ME1: variants seen among roughly 807,000 people sequenced by gnomAD.
ME1 encodes NADP-dependent malic enzyme.
In ME1, 74 loss-of-function variants were observed where a neutral mutation model predicts 66.4. That is an observed-to-expected ratio of 1.11 (90% CI 0.92 to 1.35). The LOEUF (loss-of-function observed/expected upper bound fraction) is 1.35. Ranked by LOEUF, ME1 falls within the 40% of genes most tolerant of loss-of-function variation. The pLI is 0.00. For synonymous variants in ME1, 251 were observed against 235.6 expected (o/e 1.07, Z -0.60); for missense variants, 750 against 694.1 (o/e 1.08, Z -0.90).
chr6:83,360,952 C>G (rs534649897), intron 3 of ME1, among the ~76,000 whole-genome samples: 1 of 152,220 alleles, frequency 6.6e-6, no homozygotes, highest in Non-Finnish European at 1.5e-5. Context: ...ATAAGGCCCA[C>G]CAGAAGAAAT....
At chr6:83,390,306 G>C (rs978445934) in intron 3 of ME1, among the ~76,000 whole-genome samples, 1 of 152,204 alleles carries the variant, frequency 6.6e-6, no homozygotes, top group South Asian at 2.1e-4. Context: ...ACCATACACA[G>C]TAAGTATTAA....
At position 83,237,781 on chromosome 6, in the gene ME1, CCTT is replaced by C. The variant is rs754298375; in HGVS notation, c.959_961del (p.Glu320del). 49 of 1,608,292 alleles carry C rather than the reference CCTT, an allele frequency of 3.0e-5. 2 individuals carry two copies. In the South Asian group the frequency reaches 5.1e-4, roughly 17 times the overall value. ...TTTGATGGCTTTCTCTTTTGGTAAA[CCTT>C]CTTTTTCCAAGGCCATCACAATCAG... On this transcript the variant is annotated inframe_deletion, in exon 9 of 14. Coordinates refer to ENST00000369705, the MANE Select transcript of ME1 (RefSeq NM_002395.6).
At chr6:83,357,929 CTCTCTCTATATA>C (rs1464411588) in intron 3 of ME1, among the ~76,000 whole-genome samples, 22 of 56,320 alleles carry the variant, frequency 3.9e-4, no homozygotes, top group Non-Finnish European at 5.3e-4. Context: ...CTCTCTCTCT[CTCTCTCTATATA>C]TATATATATA....
rs774921289 is a variant in ME1, at chr6:83,346,227, C to G, written c.546G>C (p.Gly182=). 5 of 1,612,176 alleles carry G rather than the reference C, an allele frequency of 3.1e-6. No individual in the cohort carries two copies. The East Asian group carries it at 8.9e-5, about 29-fold the overall frequency. ...CAGGCAGACATTCTTGAGGATTCATCCCTCCGCAAGCTGTATATAGAGCCA... is the reference window on the plus strand; with the variant it reads ...CAGGCAGACATTCTTGAGGATTCATGCCTCCGCAAGCTGTATATAGAGCCA... The part of the protein sequence containing the change: ...GKLALYTACG[G]MNPQECLPVI... Residue 182 remains glycine, a synonymous_variant, in exon 5 of 14, where the codon GGG becomes GGC. Transcript: ENST00000369705.
intron 6 of ME1, among the ~76,000 whole-genome samples, chr6:83,265,090 A>C (rs1766966457): frequency 6.6e-6 from 1 of 152,146 alleles, no homozygotes; most frequent in Non-Finnish European, 1.5e-5. Context: ...TTCAGTAACC[A>C]CCATTGTAAT....
At chr6:83,350,891 A>G (rs1317409052) in intron 4 of ME1, among the ~76,000 whole-genome samples, 2 of 139,414 alleles carry the variant, frequency 1.4e-5, no homozygotes, top group African/African-American at 5.2e-5. Flanking sequence ...TTCTTAGGGT[A>G]GTTTCTAAGA....
chr6:83,381,422 G>A (rs1194317296), intron 3 of ME1, among the ~76,000 whole-genome samples: 1 of 150,278 alleles, frequency 6.7e-6, no homozygotes, highest in Non-Finnish European at 1.5e-5. Context: ...TTGAGACGGA[G>A]TCTCGCTCTG....
At chr6:83,212,807 C>G (rs748694496) in intron 13 of ME1, among the ~76,000 whole-genome samples, 1 of 152,224 alleles carries the variant, frequency 6.6e-6, no homozygotes, top group African/African-American at 2.4e-5. Context: ...AACCTTCCCC[C>G]ATCTTCAAGC....
intron 7 of ME1, among the ~76,000 whole-genome samples, chr6:83,242,718 A>G (rs1277216035): frequency 2.0e-5 from 3 of 152,192 alleles, no homozygotes; most frequent in Non-Finnish European, 4.4e-5. Flanking sequence ...GAAAAAAATT[A>G]AAAAGACTAA....
At chr6:83,283,024 C>T (rs1322361337) in intron 6 of ME1, among the ~76,000 whole-genome samples, 8 of 151,000 alleles carry the variant, frequency 5.3e-5, no homozygotes, top group African/African-American at 9.8e-5. Context: ...GTCAGGAGAT[C>T]GAGACCATCC....
chr6:83,223,897 G>A lies in ME1; in HGVS notation c.1312C>T (p.Pro438Ser). The A allele has an allele frequency of 6.2e-7, 1 of 1,613,966 alleles. No individual in the cohort carries two copies. Reference protein sequence around the residue: ...AIFASGSPFDPVTLPNGQTLY... With the variant: ...AIFASGSPFDSVTLPNGQTLY... Reference sequence around the variant, plus strand: ...GTCTGTCCATTTGGAAGAGTGACTGGATCAAAAGGACTGCCACTGGCAAAA... The same window carrying A: ...GTCTGTCCATTTGGAAGAGTGACTGAATCAAAAGGACTGCCACTGGCAAAA... Residue 438 changes from proline to serine, a missense_variant, in exon 12 of 14, where the codon CCA (proline) becomes TCA (serine). Physicochemically the swap from Pro to Ser is moderately conservative, Grantham distance 74. Coordinates refer to ENST00000369705, the MANE Select transcript of ME1 (RefSeq NM_002395.6).
chr6:83,316,877 A>G (rs116196281), intron 5 of ME1, among the ~76,000 whole-genome samples: 4,621 of 152,154 alleles, frequency 0.03, 219 homozygotes, highest in African/African-American at 0.11. Flanking sequence ...TATGTGTAAG[A>G]CCTGCACACT....
intron 6 of ME1, among the ~76,000 whole-genome samples, chr6:83,308,413 T>C (rs1247398675): frequency 6.6e-6 from 1 of 151,646 alleles, no homozygotes; most frequent in East Asian, 1.9e-4. Flanking sequence ...ATATAGAGAA[T>C]TTTAGGCAGT....
intron 6 of ME1, among the ~76,000 whole-genome samples, chr6:83,255,437 A>G (rs1766748318): frequency 6.6e-6 from 1 of 151,886 alleles, no homozygotes. Context: ...AGATCTTTCA[A>G]TTCTTTTATT....
Position 83,315,338 on chromosome 6 carries a change from C to A in ME1, c.676G>T (p.Asp226Tyr). The A allele has an allele frequency of 6.2e-7, 1 of 1,611,100 alleles. No individual in the cohort carries two copies. The change falls in exon 6 of 14, where the codon GAC becomes TAC. Residue 226 changes from aspartate (D) to tyrosine (Y), a missense_variant. Transcript: ENST00000369705. ...VRGSEYDDFL[D>Y]EFMEAVSSKY... ...GAAGAAACTGCCTCCATGAATTCGT[C>A]CAAAAAATCATCATATTCAGAACCT...
chr6:83,238,051 G>C (rs74695864), intron 8 of ME1, among the ~76,000 whole-genome samples: 2,883 of 152,210 alleles, frequency 0.019, 86 homozygotes, highest in African/African-American at 0.066. Context: ...GATTGTCAGT[G>C]TATTTAATCC....
intron 7 of ME1, among the ~76,000 whole-genome samples, chr6:83,250,755 A>G (rs1025672400): frequency 3.3e-5 from 5 of 152,126 alleles, no homozygotes; most frequent in African/African-American, 1.2e-4. Flanking sequence ...ATGCAAACCT[A>G]CCCAAGTCAA....
chr6:83,234,289 T>C (rs1269103725), intron 9 of ME1, among the ~76,000 whole-genome samples: 1 of 152,168 alleles, frequency 6.6e-6, no homozygotes, highest in East Asian at 1.9e-4. Flanking sequence ...TTGTATAGCT[T>C]TCTCCACAGC....
intron 7 of ME1, among the ~76,000 whole-genome samples, chr6:83,240,699 T>C (rs1234201859): frequency 2.0e-5 from 3 of 152,170 alleles, no homozygotes; most frequent in Non-Finnish European, 4.4e-5. Context: ...TTTAACATTA[T>C]GGTTAAAACA....
Sources: allele counts gnomAD v4.1 joint callset (sites outside exome capture counted in the v4.1 genomes callset), GRCh38; gene constraint gnomAD v4.1.1; transcripts MANE v1.5; gene names NCBI Gene and HGNC (gene_info 2026-07-23, HGNC 2026-07-21).